Variants in AGBL4 observed in about 807,000 individuals in gnomAD.
AGBL4 encodes the protein cytosolic carboxypeptidase 6.
A neutral mutation model predicts 66.4 loss-of-function variants in AGBL4; 58 were observed. The ratio of observed to expected loss-of-function variants is 0.87; its 90% CI spans 0.71 to 1.09. AGBL4 has a LOEUF of 1.09. Ranked by LOEUF, AGBL4 falls within the 50% of genes least tolerant of loss-of-function variation. AGBL4 has a pLI of 0.00. For missense variants in AGBL4, 579 were observed against 631.0 expected, an observed-to-expected ratio of 0.92 and a Z score of 0.88; for synonymous variants, 234 against 222.9, an observed-to-expected ratio of 1.05 and a Z score of -0.44.
intron 1 of AGBL4, among the ~76,000 whole-genome samples, chr1:49,863,490 G>A (rs1043300517): frequency 2.0e-5 from 3 of 152,156 alleles, no homozygotes; most frequent in Non-Finnish European, 4.4e-5. Context: ...ACAAAGTGAA[G>A]AGACAACCCA....
At chr1:49,249,558 G>C (rs976769516) in intron 3 of AGBL4, among the ~76,000 whole-genome samples, 1 of 151,932 alleles carries the variant, frequency 6.6e-6, no homozygotes, top group Admixed American at 6.6e-5. Flanking sequence ...TTATCAAAAA[G>C]ACAAAAAATA....
At chr1:49,313,222 G>T (rs1297552511) in intron 3 of AGBL4, among the ~76,000 whole-genome samples, 2 of 152,092 alleles carry the variant, frequency 1.3e-5, no homozygotes, top group African/African-American at 4.8e-5. Flanking sequence ...TTTTATGGCT[G>T]CATAGTATTC....
At chr1:49,354,327 T>A (rs1643974504) in intron 3 of AGBL4, among the ~76,000 whole-genome samples, 1 of 152,266 alleles carries the variant, frequency 6.6e-6, no homozygotes, top group Non-Finnish European at 1.5e-5. Context: ...TAATATTTAA[T>A]CAACATTTAA....
At chr1:48,671,084 C>T (rs1231533166) in intron 6 of AGBL4, among the ~76,000 whole-genome samples, 1 of 152,212 alleles carries the variant, frequency 6.6e-6, no homozygotes, top group Admixed American at 6.5e-5. Flanking sequence ...TAACCCCAGT[C>T]AGGACTGAGT....
At chr1:49,793,875 T>G (rs541957009) in intron 2 of AGBL4, among the ~76,000 whole-genome samples, 1 of 152,070 alleles carries the variant, frequency 6.6e-6, no homozygotes, top group South Asian at 2.1e-4. Flanking sequence ...GGGGGTAGCA[T>G]GTATGACTGA....
chr1:48,587,031 C>A lies in AGBL4; in HGVS notation c.1240G>T (p.Ala414Ser). 6.2e-7 allele frequency: 1 copy of A among 1,609,860 alleles called. No homozygotes were observed. The highest frequency in any genetic ancestry group is 8.5e-7 in the Non-Finnish European group (1 of 1,178,348). The change falls in exon 11 of 14, where the codon GCT becomes TCT. Residue 414 changes from alanine to serine, a missense_variant. By Grantham distance (99) the Ala-to-Ser change is moderately conservative (BLOSUM62 1). Transcript: ENST00000371839. ...FYSYIISGTT[A>S]AVPYTEEAYM... ...GCTTCTTCAGTGTAGGGCACAGCAG[C>A]CGTGGTGCCACTGATGATGTAGCTG...
intron 6 of AGBL4, among the ~76,000 whole-genome samples, chr1:48,803,531 G>T (rs1039453201): frequency 6.6e-6 from 1 of 152,160 alleles, no homozygotes; most frequent in African/African-American, 2.4e-5. Context: ...CCTCTGTAAA[G>T]AAATATATAC....
At chr1:49,441,485 G>GA (rs1460903738) in intron 3 of AGBL4, among the ~76,000 whole-genome samples, 1 of 152,148 alleles carries the variant, frequency 6.6e-6, no homozygotes, top group African/African-American at 2.4e-5. Context: ...TAGTGTAGAG[G>GA]AAAAGATCCA....
chr1:49,381,291 A>G (rs1422241418), intron 3 of AGBL4, among the ~76,000 whole-genome samples: 5 of 152,354 alleles, frequency 3.3e-5, no homozygotes, highest in Admixed American at 1.3e-4. Flanking sequence ...CAAAACCACA[A>G]TGAGATATCA....
chr1:48,974,955 T>G (rs1401685976), intron 5 of AGBL4, among the ~76,000 whole-genome samples: 1 of 152,162 alleles, frequency 6.6e-6, no homozygotes, highest in African/African-American at 2.4e-5. Context: ...TCTAGTCTGC[T>G]GAGCTCTTGA....
intron 2 of AGBL4, among the ~76,000 whole-genome samples, chr1:49,697,801 T>A (rs1467225941): frequency 6.6e-6 from 1 of 152,198 alleles, no homozygotes; most frequent in Non-Finnish European, 1.5e-5. Context: ...TAATACCTTA[T>A]GTATTTTGTA....
chr1:48,691,157 C>CAAA (rs35401645), intron 6 of AGBL4, among the ~76,000 whole-genome samples: 28 of 84,180 alleles, frequency 3.3e-4, no homozygotes, highest in Non-Finnish European at 4.0e-4. Flanking sequence ...GACTCCCTCT[C>CAAA]AAAAAAAAAA....
chr1:49,879,449 G>T (rs1647143551), intron 1 of AGBL4, among the ~76,000 whole-genome samples: 1 of 148,054 alleles, frequency 6.8e-6, no homozygotes, highest in Non-Finnish European at 1.5e-5. Flanking sequence ...TGAAATTCTG[G>T]GTTGAAAATT....
chr1:49,349,095 G>GA (rs1167066162), intron 3 of AGBL4, among the ~76,000 whole-genome samples: 1 of 152,092 alleles, frequency 6.6e-6, no homozygotes, highest in Non-Finnish European at 1.5e-5. Flanking sequence ...CTGAGTCCTT[G>GA]CTCATGCTTC....
intron 6 of AGBL4, among the ~76,000 whole-genome samples, chr1:48,802,390 A>G (rs1305138388): frequency 1.3e-5 from 2 of 152,094 alleles, no homozygotes; most frequent in African/African-American, 4.8e-5. Context: ...CATGTCATTT[A>G]GAATCTTCAA....
chr1:48,788,852 C>A (rs1318497272), intron 6 of AGBL4, among the ~76,000 whole-genome samples: 2 of 152,114 alleles, frequency 1.3e-5, no homozygotes, highest in African/African-American at 4.8e-5. Flanking sequence ...AGTAGAGAAT[C>A]AGACAGACAG....
chr1:49,987,791 T>A (rs1487356978), intron 1 of AGBL4, among the ~76,000 whole-genome samples: 1 of 152,004 alleles, frequency 6.6e-6, no homozygotes, highest in African/African-American at 2.4e-5. Flanking sequence ...AACAAATACA[T>A]CTACATTGTG....
In AGBL4 at chr1:49,881,849, C is replaced by T. The variant is rs984742970; in HGVS notation, c.35-30331G>A. ...CCATTTTGTGGGTTGCCTGTTCACTCTGATGGTAGTTTCTTTTGCTGTGCA... is the reference window on the plus strand; with the variant it reads ...CCATTTTGTGGGTTGCCTGTTCACTTTGATGGTAGTTTCTTTTGCTGTGCA... On this transcript the variant is annotated intron_variant, in intron 1 of 13. Transcript: ENST00000371839. Among the ~76,000 whole-genome samples the T allele has an allele frequency of 8.8e-4, 133 of 151,776 alleles. 2 individuals are homozygous for T. In the South Asian group the frequency reaches 0.014, roughly 16 times the overall value.
intron 6 of AGBL4, among the ~76,000 whole-genome samples, chr1:48,801,049 G>A (rs1329456607): frequency 2.0e-5 from 3 of 152,096 alleles, no homozygotes; most frequent in Non-Finnish European, 2.9e-5. Flanking sequence ...GTTCCAAGGG[G>A]GATTATGGCT....
Sources: gnomAD v4.1 joint callset for allele counts (sites outside exome capture counted in the v4.1 genomes callset) on GRCh38, gnomAD v4.1.1 for gene constraint, MANE v1.5 for transcripts, NCBI Gene and HGNC (gene_info 2026-07-23, HGNC 2026-07-21) for gene names.